GABPA: variants seen among roughly 807,000 people sequenced by gnomAD.
GABPA encodes the protein GA binding protein transcription factor subunit alpha.
Under a neutral mutation model 59.4 loss-of-function variants are expected in GABPA, and 4 were observed. The observed-to-expected ratio is 0.07, with a 90% CI of 0.03 to 0.15. The LOEUF (loss-of-function observed/expected upper bound fraction) is 0.15. Ranked by LOEUF, GABPA falls within the 10% of genes least tolerant of loss-of-function variation. The pLI is 1.00. For missense variants in GABPA, 251 were observed against 543.8 expected, an observed-to-expected ratio of 0.46 and a Z score of 5.36; for synonymous variants, 164 against 183.1, an observed-to-expected ratio of 0.90 and a Z score of 0.84.
At chr21:25,738,962 C>T (rs1485239300) in intron 1 of GABPA, among the ~76,000 whole-genome samples, 1 of 152,064 alleles carries the variant, frequency 6.6e-6, no homozygotes, top group East Asian at 1.9e-4. Context: ...TTCATTTCTT[C>T]ATCATCCCCA....
chr21:25,762,324 G>A lies in GABPA; in HGVS notation c.761G>A (p.Ser254Asn), dbSNP rs780887086. The A allele has an allele frequency of 6.4e-7, 1 of 1,571,734 alleles. No individual in the cohort carries two copies. The highest frequency in any genetic ancestry group is 8.6e-7 in the Non-Finnish European group (1 of 1,159,308). ...LELLRKYVLASQEQQMNEIVT... is the reference protein window; with the variant it reads ...LELLRKYVLANQEQQMNEIVT... Reference sequence around the variant, plus strand: ...TTGTTTTTTTCAGATGTATTGGCAAGTCAAGAACAACAGATGAATGAAATA... The same window carrying A: ...TTGTTTTTTTCAGATGTATTGGCAAATCAAGAACAACAGATGAATGAAATA... The change falls in exon 7 of 10, where the codon AGT becomes AAT. Residue 254 changes from serine (S) to asparagine (N), a missense_variant. This residue lies in a region of GABPA where 207 missense variants were observed against 366.7 expected (regional missense o/e 0.56). Transcript: ENST00000400075.
chr21:25,757,556 AG>A (rs1406204228), intron 5 of GABPA, among the ~76,000 whole-genome samples: 1 of 152,204 alleles, frequency 6.6e-6, no homozygotes, highest in Non-Finnish European at 1.5e-5. Context: ...AGCTTTTTAC[AG>A]GAAGGAAAAG....
intron 5 of GABPA, 56 bp downstream of exon 5, chr21:25,752,290 A>G: frequency 1.3e-6 from 2 of 1,517,112 alleles, no homozygotes; most frequent in Non-Finnish European, 1.8e-6. Context: ...AGCTTGACAT[A>G]GAAGACACTA....
At chr21:25,741,506 C>A in intron 1 of GABPA, 67 bp from the exon 2 acceptor site, 1 of 751,158 alleles carries the variant, frequency 1.3e-6, no homozygotes, top group South Asian at 2.2e-5. Context: ...GATTGGGTCT[C>A]TACTTCTTGT....
At chr21:25,749,201 G>A (rs896952010) in intron 4 of GABPA, 81 bp downstream of exon 4, 39 of 807,072 alleles carry the variant, frequency 4.8e-5, no homozygotes, top group Middle Eastern at 3.1e-4. Context: ...AGGTGTTTTC[G>A]ATGGTTGTCT....
At position 25,757,995 on chromosome 21, in the gene GABPA, T is replaced by G; in HGVS notation, c.554-15T>G. 6.6e-7 allele frequency: 1 copy of G among 1,524,754 alleles called. No individual in the cohort carries two copies. The highest frequency in any genetic ancestry group is 2.2e-5 in the Admixed American group (1 of 45,142). 94.5% of individuals were successfully genotyped at this position (1,524,754 alleles called of 1,614,324 possible). ...TAAAATGGAACTAGGCTAAAGTGAA[T>G]ATTTTTCTTTCTAGATCCCATACAG... is the stretch of plus-strand genomic sequence containing the variant. On this transcript the variant is annotated splice_polypyrimidine_tract_variant and intron_variant, in intron 5 of 9. Coordinates refer to ENST00000400075, the MANE Select transcript of GABPA (RefSeq NM_002040.4).
At chr21:25,763,269 G>T in intron 7 of GABPA, 2 of 378,126 alleles carry the variant, frequency 5.3e-6, no homozygotes, top group East Asian at 6.9e-5. Context: ...GCTCTTTTGG[G>T]GCATTTTTCC....
At position 25,769,903 on chromosome 21, in the gene GABPA, A is replaced by G. The variant is rs139934166; in HGVS notation, c.*671A>G. On this transcript the variant is annotated 3_prime_UTR_variant, in exon 10 of 10. Coordinates refer to ENST00000400075, the MANE Select transcript of GABPA (RefSeq NM_002040.4). ...AGCCAATTTTAAGGATTTTCTGTAT[A>G]GATTACTCATGTCAGACCAAGAATT... is the stretch of plus-strand genomic sequence containing the variant. The G allele has an allele frequency of 6.6e-6, 1 of 152,644 alleles. No homozygotes were observed. The highest frequency in any genetic ancestry group is 1.5e-5 in the Non-Finnish European group (1 of 68,018). The allele number at this position is 152,644 out of a possible 1,614,324, so 9.5% of individuals were successfully genotyped here.
At chr21:25,767,919 A>G (rs1489796007) in intron 9 of GABPA, among the ~76,000 whole-genome samples, 1 of 152,128 alleles carries the variant, frequency 6.6e-6, no homozygotes, top group East Asian at 1.9e-4. Flanking sequence ...GATTAAGCCA[A>G]GTGACTTTTA....
At chr21:25,766,909 G>A (rs2035903679) in intron 9 of GABPA, among the ~76,000 whole-genome samples, 1 of 151,808 alleles carries the variant, frequency 6.6e-6, no homozygotes, top group Admixed American at 6.6e-5. Flanking sequence ...AATCATTTAT[G>A]GTATATTCAT....
Position 25,771,825 on chromosome 21 carries a change from T to C in GABPA, c.*2593T>C, listed in dbSNP as rs1418174060. 1.3e-5 allele frequency: 2 copies of C among 152,078 alleles called. No homozygotes were observed. The highest frequency in any genetic ancestry group is 1.5e-5 in the Non-Finnish European group (1 of 67,904). 9.4% of individuals were successfully genotyped at this position (152,078 alleles called of 1,614,324 possible). On this transcript the variant is annotated 3_prime_UTR_variant, in exon 10 of 10. Coordinates refer to ENST00000400075, the MANE Select transcript of GABPA (RefSeq NM_002040.4). ...TTTATTGAGCCAACTTTCATACATA[T>C]CTTGCTAGCCTAAAGTCTAAATATT...
chr21:25,757,652 A>C (rs574923861), intron 5 of GABPA, among the ~76,000 whole-genome samples: 1 of 152,242 alleles, frequency 6.6e-6, no homozygotes, highest in East Asian at 1.9e-4. Context: ...ATGCAACTGC[A>C]AATTTTTTTA....
intron 6 of GABPA, among the ~76,000 whole-genome samples, chr21:25,758,932 AGGT>A (rs1378513455): frequency 6.6e-6 from 1 of 152,074 alleles, no homozygotes. Context: ...TAGGCGGACA[AGGT>A]GGTGCGTGTC....
intron 2 of GABPA, 113 bp downstream of exon 2, chr21:25,741,788 T>A: frequency 1.6e-6 from 1 of 626,672 alleles, no homozygotes; most frequent in Non-Finnish European, 2.7e-6. Context: ...TCTCAGTATT[T>A]TAGGGAATAA....
At chr21:25,746,693 T>G (rs1020165476) in intron 3 of GABPA, among the ~76,000 whole-genome samples, 2 of 152,178 alleles carry the variant, frequency 1.3e-5, no homozygotes, top group Non-Finnish European at 1.5e-5. Flanking sequence ...GATTTAAAGT[T>G]TTTTTCTCTT....
chr21:25,745,380 A>T lies in GABPA; in HGVS notation c.222+26A>T, dbSNP rs369144013. 15 of 1,607,140 alleles carry T rather than the reference A, an allele frequency of 9.3e-6. No homozygotes were observed. The African/African-American group carries it at 1.7e-4, about 19-fold the overall frequency. On this transcript the variant is annotated intron_variant, in intron 3 of 9. Transcript: ENST00000400075. ...GTAATTTTTATTTTTGTAAATTTCT[A>T]TTGCAACATTTTAGTCTGCATAGGA...
intron 6 of GABPA, among the ~76,000 whole-genome samples, chr21:25,761,666 G>T (rs1293719665): frequency 6.6e-6 from 1 of 152,170 alleles, no homozygotes; most frequent in Non-Finnish European, 1.5e-5. Flanking sequence ...CTTGTGAGAG[G>T]TAAAGAATAA....
intron 6 of GABPA, among the ~76,000 whole-genome samples, chr21:25,761,626 C>G (rs191147510): frequency 4.1e-4 from 63 of 152,078 alleles, no homozygotes; most frequent in Non-Finnish European, 7.8e-4. Context: ...ACAAAGTAGG[C>G]TGAAGTAATA....
chr21:25,749,029 T>C lies in GABPA; in HGVS notation c.223-7T>C, dbSNP rs2035440290. 2 of 1,575,230 alleles carry C rather than the reference T, an allele frequency of 1.3e-6. No individual in the cohort carries two copies. Among genetic ancestry groups the C allele is most frequent in the African/African-American group, 1.3e-5 (1 of 74,168 alleles). On this transcript the variant is annotated splice_polypyrimidine_tract_variant and splice_region_variant and intron_variant, in intron 3 of 9. Transcript: ENST00000400075. ...GAAATAATCTTACTCATTTTATCCATGGTTAGCTGGATCCAGAACGAAGTT... is the reference window on the plus strand; with the variant it reads ...GAAATAATCTTACTCATTTTATCCACGGTTAGCTGGATCCAGAACGAAGTT...
Sources: gnomAD v4.1 joint callset for allele counts (sites outside exome capture counted in the v4.1 genomes callset) on GRCh38, gnomAD v4.1.1 for gene constraint, gnomAD v4.1.1 regional missense constraint, MANE v1.5 for transcripts, NCBI Gene and HGNC (gene_info 2026-07-23, HGNC 2026-07-21) for gene names.